The following OPCML variants were observed in gnomAD, a reference collection of about 807,000 sequenced individuals.
OPCML encodes opioid-binding protein/cell adhesion molecule.
Under a neutral mutation model 37.8 loss-of-function variants are expected in OPCML, and 13 were observed. The observed-to-expected ratio is 0.34, with a 90% confidence interval of 0.22 to 0.55. The LOEUF is 0.55. Among genes scored for constraint, OPCML ranks in the 20% least tolerant of loss-of-function variants. The pLI, the probability that OPCML is intolerant of heterozygous loss-of-function variation, is 0.91. For missense variants in OPCML, 341 were observed against 435.6 expected (o/e 0.78, Z 1.93); for synonymous variants, 176 against 168.8 (o/e 1.04, Z -0.33).
chr11:133,289,078 A>C (rs1340393835), intron 1 of OPCML, among the ~76,000 whole-genome samples: 2 of 152,186 alleles, frequency 1.3e-5, no homozygotes, highest in East Asian at 3.9e-4. Flanking sequence ...TTTGATGAAG[A>C]ATAATGCAGA....
intron 1 of OPCML, among the ~76,000 whole-genome samples, chr11:133,222,458 C>T (rs373465784): frequency 2.0e-5 from 3 of 152,126 alleles, no homozygotes; most frequent in African/African-American, 2.4e-5. Flanking sequence ...TTCCTGTGGC[C>T]GCTCCTCACT....
intron 2 of OPCML, among the ~76,000 whole-genome samples, chr11:132,667,897 A>G (rs796213666): frequency 6.6e-6 from 1 of 152,244 alleles, no homozygotes; most frequent in Non-Finnish European, 1.5e-5. Context: ...GCTAGCTTTG[A>G]GAATATTCTC....
intron 2 of OPCML, among the ~76,000 whole-genome samples, chr11:132,865,380 C>T (rs1166589760): frequency 6.6e-6 from 1 of 152,052 alleles, no homozygotes; most frequent in African/African-American, 2.4e-5. Context: ...GGCATTTTTG[C>T]AAACACTGTA....
chr11:132,987,738 T>C (rs1208228062), intron 1 of OPCML, among the ~76,000 whole-genome samples: 3 of 152,134 alleles, frequency 2.0e-5, no homozygotes, highest in Non-Finnish European at 4.4e-5. Flanking sequence ...GCATAGCGTC[T>C]TCCCTATGCT....
chr11:132,561,352 G>C (rs2096410276), intron 3 of OPCML, among the ~76,000 whole-genome samples: 1 of 152,150 alleles, frequency 6.6e-6, no homozygotes, highest in African/African-American at 2.4e-5. Context: ...ATCCTTTCCT[G>C]GGTCCTCATC....
Position 132,814,312 on chromosome 11 carries a change from C to T in OPCML, c.146+128614G>A, listed in dbSNP as rs535905713. Among the ~76,000 whole-genome samples, 9 of 152,176 alleles carry T rather than the reference C, an allele frequency of 5.9e-5. No homozygotes were observed. The East Asian group carries it at 1.2e-3, about 20-fold the overall frequency. On this transcript the variant is annotated intron_variant, in intron 2 of 7. Coordinates refer to ENST00000524381, the MANE Select transcript of OPCML (RefSeq NM_001012393.5). The stretch of plus-strand genomic sequence containing the variant: ...ATTTATTATGAGAAATTGGCTCATA[C>T]GGTTATGGAGGCTGAGAAACTTCAT...
intron 4 of OPCML, among the ~76,000 whole-genome samples, chr11:132,504,767 G>A (rs900780059): frequency 6.6e-6 from 1 of 152,128 alleles, no homozygotes; most frequent in African/African-American, 2.4e-5. Context: ...ACTTGGCTGG[G>A]GAGCCACGAG....
At chr11:133,034,998 C>T (rs1465100266) in intron 1 of OPCML, among the ~76,000 whole-genome samples, 1 of 152,146 alleles carries the variant, frequency 6.6e-6, no homozygotes, top group Non-Finnish European at 1.5e-5. Flanking sequence ...GGCATGGTCC[C>T]CTCTCCCCAG....
intron 2 of OPCML, among the ~76,000 whole-genome samples, chr11:132,906,695 C>T (rs187221329): frequency 1.1e-3 from 160 of 152,200 alleles, no homozygotes; most frequent in African/African-American, 3.6e-3. Context: ...GCCCTTGTTA[C>T]GGGGCTGGAA....
intron 1 of OPCML, among the ~76,000 whole-genome samples, chr11:133,054,591 G>A (rs957453862): frequency 1.3e-5 from 2 of 152,144 alleles, no homozygotes; most frequent in African/African-American, 4.8e-5. Context: ...CATCACAGGG[G>A]CATAGACGAA....
At chr11:133,073,089 G>A (rs1421022787) in intron 1 of OPCML, among the ~76,000 whole-genome samples, 1 of 152,180 alleles carries the variant, frequency 6.6e-6, no homozygotes, top group African/African-American at 2.4e-5. Flanking sequence ...TGAGGAACCA[G>A]GTACGATACA....
At chr11:133,513,623 T>C (rs1410153100) in intron 1 of OPCML, among the ~76,000 whole-genome samples, 1 of 152,178 alleles carries the variant, frequency 6.6e-6, no homozygotes, top group African/African-American at 2.4e-5. Context: ...TTTGTTAACG[T>C]GTTTACAGAA....
At chr11:132,772,662 C>A (rs1190634687) in intron 2 of OPCML, 1 of 152,196 alleles carries the variant, frequency 6.6e-6, no homozygotes, top group Non-Finnish European at 1.5e-5. Context: ...CCTCTTCTCA[C>A]CCCTGTACAA....
intron 3 of OPCML, among the ~76,000 whole-genome samples, chr11:132,608,626 C>T (rs1938450258): frequency 6.6e-6 from 1 of 152,126 alleles, no homozygotes; most frequent in Admixed American, 6.6e-5. Flanking sequence ...GATTATGTCG[C>T]TCTTTGCAAA....
At chr11:132,627,096 C>G (rs528323381) in intron 3 of OPCML, among the ~76,000 whole-genome samples, 1 of 151,498 alleles carries the variant, frequency 6.6e-6, no homozygotes, top group Non-Finnish European at 1.5e-5. Flanking sequence ...TAGTAGCAAA[C>G]GAGAGGGAAA....
At chr11:132,505,649 T>A (rs1208847523) in intron 4 of OPCML, among the ~76,000 whole-genome samples, 1 of 152,048 alleles carries the variant, frequency 6.6e-6, no homozygotes, top group Non-Finnish European at 1.5e-5. Context: ...TAAATCTCCA[T>A]CAGAAGTAAA....
chr11:132,507,938 T>C (rs2096260923), intron 4 of OPCML, among the ~76,000 whole-genome samples: 1 of 152,144 alleles, frequency 6.6e-6, no homozygotes, highest in Non-Finnish European at 1.5e-5. Context: ...TATGACTATT[T>C]TTGTAACTTA....
chr11:132,983,652 G>A (rs912926489), intron 1 of OPCML, among the ~76,000 whole-genome samples: 1 of 152,198 alleles, frequency 6.6e-6, no homozygotes, highest in African/African-American at 2.4e-5. Flanking sequence ...CACTTTGAGA[G>A]CAAGGCTGAT....
intron 2 of OPCML, among the ~76,000 whole-genome samples, chr11:132,715,323 C>T (rs973594631): frequency 6.6e-6 from 1 of 152,230 alleles, no homozygotes; most frequent in East Asian, 1.9e-4. Flanking sequence ...ATGAGTAATG[C>T]ACAATTTCTG....
Sources: gnomAD v4.1 joint callset for allele counts (sites outside exome capture counted in the v4.1 genomes callset) on GRCh38, gnomAD v4.1.1 for gene constraint, MANE v1.5 for transcripts, NCBI Gene and HGNC (gene_info 2026-07-23, HGNC 2026-07-21) for gene names.